FCRL5: variants seen among roughly 807,000 people sequenced by gnomAD.
The protein encoded by FCRL5 is Fc receptor like 5.
In FCRL5, 79 loss-of-function variants were observed where a neutral mutation model predicts 92.1. That is an observed-to-expected ratio of 0.86 (90% confidence interval 0.72 to 1.03). The LOEUF (loss-of-function observed/expected upper bound fraction) is 1.03. Among genes scored for constraint, FCRL5 ranks in the 50% least tolerant of loss-of-function variants. The pLI, the probability that FCRL5 is intolerant of heterozygous loss-of-function variation, is 0.00. For synonymous variants in FCRL5, 466 were observed against 469.3 expected (o/e 0.99, Z 0.09); for missense variants, 1,160 against 1,181.1 (o/e 0.98, Z 0.26).
intron 10 of FCRL5, 94 bp from the exon 11 acceptor site, chr1:157,521,386 C>T (rs963244997): frequency 7.2e-7 from 1 of 1,382,932 alleles, no homozygotes; most frequent in Non-Finnish European, 9.6e-7. Flanking sequence ...AGTCATATCT[C>T]AATCTTGGAA....
chr1:157,548,189 C>T (rs566042819), intron 2 of FCRL5, among the ~76,000 whole-genome samples: 1 of 152,354 alleles, frequency 6.6e-6, no homozygotes, highest in South Asian at 2.1e-4. Context: ...GGGCATTCAC[C>T]CCTTCCCCCA....
rs751990785 is a variant in FCRL5 at position 157,544,866 on chromosome 1, G to C, written c.524C>G (p.Pro175Arg). Residue 175 changes from proline to arginine, a missense_variant, in exon 4 of 17, where the codon CCT becomes CGT. By Grantham distance (103) the Pro-to-Arg change is moderately radical. Transcript: ENST00000361835. The part of the protein sequence containing the change: ...RCTGYKESCC[P>R]VSSNTVKIQV... ...GATTTTGACTGTATTGGAAGAAACAGGGCAACAACTTTCCTTATATCCAGT... is the reference window on the plus strand; with the variant it reads ...GATTTTGACTGTATTGGAAGAAACACGGCAACAACTTTCCTTATATCCAGT... 1 of 1,614,188 alleles carries C rather than the reference G, an allele frequency of 6.2e-7. No individual in the cohort carries two copies. The highest frequency in any genetic ancestry group is 2.2e-5 in the East Asian group (1 of 44,884).
In FCRL5 at chr1:157,539,234, A is replaced by G. The variant is rs541602579; in HGVS notation, c.1254T>C (p.Gly418=). The G allele has an allele frequency of 6.2e-7, 1 of 1,614,218 alleles. No homozygotes were observed. Among genetic ancestry groups the G allele is most frequent in the African/African-American group, 1.3e-5 (1 of 75,062 alleles). Residue 418 remains glycine, a synonymous_variant, in exon 7 of 17, where the codon GGT becomes GGC. Transcript: ENST00000361835. ...LPILYQFHHE[G]AALERRSANS... ...TGGCCGACCTACGCTCCAGGGCAGC[A>G]CCCTCATGATGAAACTGGTACAGGA...
chr1:157,551,727 C>T (rs942744334), intron 1 of FCRL5, among the ~76,000 whole-genome samples: 1 of 152,198 alleles, frequency 6.6e-6, no homozygotes, highest in South Asian at 2.1e-4. Context: ...TCAACCAGTT[C>T]GCACATATGA....
chr1:157,537,560 T>C (rs1651027620), intron 7 of FCRL5, among the ~76,000 whole-genome samples: 1 of 152,188 alleles, frequency 6.6e-6, no homozygotes, highest in Non-Finnish European at 1.5e-5. Context: ...ATTTGCCTTG[T>C]GATATTTTAT....
chr1:157,546,418 A>T, intron 3 of FCRL5: 14 of 321,506 alleles, frequency 4.4e-5, no homozygotes, highest in Non-Finnish European at 5.5e-5. Context: ...ACTGCACTCC[A>T]GCCTGGGTGA....
chr1:157,534,728 C>T lies in FCRL5; in HGVS notation c.1567G>A (p.Gly523Arg), dbSNP rs779793957. The T allele has an allele frequency of 1.2e-5, 19 of 1,614,108 alleles. No homozygotes were observed. The highest frequency in any genetic ancestry group is 1.2e-4 in the Admixed American group (7 of 60,008). The change falls in exon 8 of 17, where the codon GGA becomes AGA. Residue 523 changes from glycine to arginine, a missense_variant. Coordinates refer to ENST00000361835, the MANE Select transcript of FCRL5 (RefSeq NM_031281.3). Reference protein sequence around the residue: ...PLWSSSTPSVGRVSFSFSLTE... With the variant: ...PLWSSSTPSVRRVSFSFSLTE... ...AGAGAGAAGCTGAAGGACACTCTTC[C>T]CACAGAGGGTGTTGAGCTGCTCCAC...
At chr1:157,537,429 T>G (rs1315994164) in intron 7 of FCRL5, among the ~76,000 whole-genome samples, 1 of 152,172 alleles carries the variant, frequency 6.6e-6, no homozygotes, top group African/African-American at 2.4e-5. Flanking sequence ...TCAGACTGGT[T>G]GTCTGCTCTC....
intron 10 of FCRL5, chr1:157,523,891 G>C (rs901991471): frequency 1.0e-5 from 3 of 285,836 alleles, no homozygotes. Flanking sequence ...AAGAGTAGAG[G>C]CTTGTTAGAA....
chr1:157,549,488 A>G (rs1651712849), intron 2 of FCRL5, 72 bp downstream of exon 2: 5 of 1,387,644 alleles, frequency 3.6e-6, no homozygotes, highest in Non-Finnish European at 3.0e-6. Context: ...AGCCATCACA[A>G]ATGTTTTCTA....
At position 157,550,581 on chromosome 1, in the gene FCRL5, CTTGT is replaced by C. The variant is rs1171919986; in HGVS notation, c.32-1005_32-1002del. Among the ~76,000 whole-genome samples, 11 of 152,270 alleles carry C rather than the reference CTTGT, an allele frequency of 7.2e-5. 1 individual carries two copies. The South Asian group carries it at 1.7e-3, about 23-fold the overall frequency. On this transcript the variant is annotated intron_variant, in intron 1 of 16. Coordinates refer to ENST00000361835, the MANE Select transcript of FCRL5 (RefSeq NM_031281.3). ...TTATCCAAATTATCTTCATTATCTG[CTTGT>C]TTATTTTCCCTTCTCTATAATGCAA...
intron 8 of FCRL5, chr1:157,534,298 T>C (rs985657110): frequency 4.3e-6 from 3 of 698,580 alleles, no homozygotes; most frequent in Admixed American, 2.0e-5. Context: ...AATATGTAAA[T>C]GTCAGTAGAG....
rs1326426752 is a variant in FCRL5, at chr1:157,548,505, G to C, written c.52+1055C>G. On this transcript the variant is annotated intron_variant, in intron 2 of 16. Coordinates refer to ENST00000361835, the MANE Select transcript of FCRL5 (RefSeq NM_031281.3). ...CATCAGAGTGAACAGGCAACCTACAGAATGGGAGAAAAGTTTTGCAATCTA... is the reference window on the plus strand; with the variant it reads ...CATCAGAGTGAACAGGCAACCTACACAATGGGAGAAAAGTTTTGCAATCTA... 2.0e-5 allele frequency among the ~76,000 whole-genome samples: 3 copies of C among 152,184 alleles called. No individual in the cohort carries two copies. In the East Asian group the frequency reaches 5.8e-4, roughly 29 times the overall value.
At chr1:157,520,271 A>T (rs1301135818) in intron 12 of FCRL5, among the ~76,000 whole-genome samples, 160 bp downstream of exon 12, 1 of 152,160 alleles carries the variant, frequency 6.6e-6, no homozygotes, top group African/African-American at 2.4e-5. Context: ...GCATTTGGTA[A>T]AAGCAATTCG....
chr1:157,531,901 C>G (rs1650710689), intron 8 of FCRL5: 1 of 152,024 alleles, frequency 6.6e-6, no homozygotes, highest in African/African-American at 2.4e-5. Flanking sequence ...GGAATAAATT[C>G]TGTTCTATTG....
At position 157,514,794 on chromosome 1, in the gene FCRL5, T is replaced by C. The variant is rs1159608387; in HGVS notation, c.*881A>G. 1.3e-5 allele frequency: 2 copies of C among 152,242 alleles called. No homozygotes were observed. Among genetic ancestry groups the C allele is most frequent in the Non-Finnish European group, 2.9e-5 (2 of 68,054 alleles). 9.4% of individuals were successfully genotyped at this position (152,242 alleles called of 1,614,324 possible). ...AAGCTCCTTCTCTTCCATTGTTTCTTAGGGAAGCCAGAATACCTCCCGGAT... is the reference window on the plus strand; with the variant it reads ...AAGCTCCTTCTCTTCCATTGTTTCTCAGGGAAGCCAGAATACCTCCCGGAT... On this transcript the variant is annotated 3_prime_UTR_variant, in exon 17 of 17. Transcript: ENST00000361835.
chr1:157,524,449 A>G lies in FCRL5; in HGVS notation c.2069T>C (p.Leu690Pro). The change falls in exon 10 of 17, where the codon CTG becomes CCG. Residue 690 changes from leucine to proline, a missense_variant. Transcript: ENST00000361835. ...GACATCTTCATGATAAAACCAGTACAGGATTGGGGAGGAGCCTCTCAGGGC... is the reference window on the plus strand; with the variant it reads ...GACATCTTCATGATAAAACCAGTACGGGATTGGGGAGGAGCCTCTCAGGGC... Reference protein sequence around the residue: ...CEALRGSSPILYWFYHEDVTL... With the variant: ...CEALRGSSPIPYWFYHEDVTL... 10 of 1,614,220 alleles carry G rather than the reference A, an allele frequency of 6.2e-6. No homozygotes were observed. The highest frequency in any genetic ancestry group is 8.5e-6 in the Non-Finnish European group (10 of 1,180,032).
At chr1:157,546,800 C>A in intron 3 of FCRL5, 143 bp downstream of exon 3, 4 of 1,028,620 alleles carry the variant, frequency 3.9e-6, no homozygotes, top group Non-Finnish European at 5.6e-6. Context: ...GTATTCTGAG[C>A]TTTTTACTCT....
chr1:157,536,826 T>G (rs1650990127), intron 7 of FCRL5, among the ~76,000 whole-genome samples: 2 of 152,246 alleles, frequency 1.3e-5, no homozygotes, highest in South Asian at 4.1e-4. Context: ...AGAACATAAA[T>G]TTTGAAGATT....
Sources: allele counts gnomAD v4.1 joint callset (sites outside exome capture counted in the v4.1 genomes callset), GRCh38; gene constraint gnomAD v4.1.1; transcripts MANE v1.5; gene names NCBI Gene and HGNC (gene_info 2026-07-23, HGNC 2026-07-21).